The following FERMT1 variants were observed in gnomAD, a reference collection of about 807,000 sequenced individuals.
FERMT1 encodes the protein fermitin family homolog 1.
In FERMT1, 60 loss-of-function variants were observed where a neutral mutation model predicts 85.3. The observed-to-expected ratio is 0.70, with a 90% CI of 0.57 to 0.87. FERMT1 has a LOEUF of 0.87. Ranked by LOEUF, FERMT1 falls within the 40% of genes least tolerant of loss-of-function variation. FERMT1 has a pLI of 0.00. For missense variants in FERMT1, 701 were observed against 818.9 expected (o/e 0.86, Z 1.76); for synonymous variants, 275 against 301.1 (o/e 0.91, Z 0.90).
At chr20:6,110,874 T>C (rs1489163971) in intron 4 of FERMT1, among the ~76,000 whole-genome samples, 1 of 152,206 alleles carries the variant, frequency 6.6e-6, no homozygotes, top group East Asian at 1.9e-4. Flanking sequence ...CTCAAAAGCC[T>C]TGGAACTCAA....
At chr20:6,084,924 T>A (rs1387904937) in intron 12 of FERMT1, 142 bp downstream of exon 12, 1 of 741,560 alleles carries the variant, frequency 1.3e-6, no homozygotes, top group Non-Finnish European at 2.3e-6. Context: ...AACTCCCAAC[T>A]TCAAGTGACC....
intron 5 of FERMT1, among the ~76,000 whole-genome samples, chr20:6,110,002 A>G (rs1437031186): frequency 6.6e-6 from 1 of 152,144 alleles, no homozygotes; most frequent in Non-Finnish European, 1.5e-5. Flanking sequence ...GGACCAACAC[A>G]CTTATTAACT....
At chr20:6,100,828 A>T (rs182007882) in intron 6 of FERMT1, among the ~76,000 whole-genome samples, 2 of 152,218 alleles carry the variant, frequency 1.3e-5, no homozygotes, top group Non-Finnish European at 2.9e-5. Context: ...AATTTATAAA[A>T]TATAGGATAC....
chr20:6,114,446 G>A (rs1483735121), intron 3 of FERMT1, among the ~76,000 whole-genome samples: 2 of 152,286 alleles, frequency 1.3e-5, no homozygotes, highest in African/African-American at 4.8e-5. Flanking sequence ...ACATCTGACT[G>A]CTTCTGTTTA....
chr20:6,088,223 A>G (rs73074343), intron 10 of FERMT1, among the ~76,000 whole-genome samples: 3,868 of 152,320 alleles, frequency 0.025, 76 homozygotes, highest in Middle Eastern at 0.054. Context: ...TTGTCACAAT[A>G]ATGTGAGTTG....
chr20:6,105,146 G>GA (rs1451482555), intron 6 of FERMT1, among the ~76,000 whole-genome samples: 7 of 152,240 alleles, frequency 4.6e-5, no homozygotes, highest in South Asian at 2.1e-4. Context: ...TCTATTTGTA[G>GA]AAAAAAATCC....
In FERMT1 at chr20:6,089,137, G is replaced by A. The variant is rs138706973; in HGVS notation, c.1140-48C>T. 993 of 1,589,394 alleles carry A rather than the reference G, an allele frequency of 6.2e-4. 9 individuals are homozygous for A. The African/African-American group carries it at 0.012, about 20-fold the overall frequency. ...TGTTTAAACCACCACCCAGAAATGTGGAACACGCTGCAGATTTCAAGCAGA... is the reference window on the plus strand; with the variant it reads ...TGTTTAAACCACCACCCAGAAATGTAGAACACGCTGCAGATTTCAAGCAGA... On this transcript the variant is annotated intron_variant, in intron 9 of 14. Coordinates refer to ENST00000217289, the MANE Select transcript of FERMT1 (RefSeq NM_017671.5).
chr20:6,087,492 G>T (rs112608284), intron 11 of FERMT1, among the ~76,000 whole-genome samples: 4 of 152,294 alleles, frequency 2.6e-5, no homozygotes, highest in African/African-American at 7.2e-5. Flanking sequence ...TGTATTTTTA[G>T]TAGAGATGAG....
chr20:6,105,843 GACTT>G (rs2123133158), intron 6 of FERMT1, among the ~76,000 whole-genome samples: 1 of 152,256 alleles, frequency 6.6e-6, no homozygotes, highest in African/African-American at 2.4e-5. Context: ...CCAAATTACT[GACTT>G]AGTAACTGGA....
At chr20:6,111,868 C>T (rs1287345627) in intron 4 of FERMT1, among the ~76,000 whole-genome samples, 1 of 142,712 alleles carries the variant, frequency 7.0e-6, no homozygotes, top group African/African-American at 2.6e-5. Context: ...TTTTTCTTTT[C>T]TTTTTTTTTT....
chr20:6,093,307 A>G (rs1384993301), intron 9 of FERMT1, among the ~76,000 whole-genome samples: 1 of 152,134 alleles, frequency 6.6e-6, no homozygotes, highest in African/African-American at 2.4e-5. Context: ...TATATATTCA[A>G]TGCAACATCT....
intron 6 of FERMT1, among the ~76,000 whole-genome samples, chr20:6,103,322 G>T (rs1360170068): frequency 2.6e-5 from 4 of 152,100 alleles, no homozygotes; most frequent in East Asian, 1.9e-4. Context: ...AACCAATTCT[G>T]TAGCTATGGA....
chr20:6,088,973 T>A lies in FERMT1; in HGVS notation c.1256A>T (p.Asn419Ile). ...LEQGEPLEKLNLRGCEVVPDV... is the reference protein window; with the variant it reads ...LEQGEPLEKLILRGCEVVPDV... The stretch of plus-strand genomic sequence containing the variant: ...ATATAGGGTACTCTTACCTCTAAGA[T>A]TTAGTTTTTCTAGTGGTTCTCCTTG... Residue 419 changes from asparagine to isoleucine, a missense_variant, in exon 10 of 15, where the codon AAT (asparagine) becomes ATT (isoleucine). Coordinates refer to ENST00000217289, the MANE Select transcript of FERMT1 (RefSeq NM_017671.5). 4 of 1,611,384 alleles carry A rather than the reference T, an allele frequency of 2.5e-6. No homozygotes were observed. Among genetic ancestry groups the A allele is most frequent in the Non-Finnish European group, 3.4e-6 (4 of 1,178,072 alleles).
Position 6,077,048 on chromosome 20 carries a change from T to C in FERMT1, c.*125A>G. On this transcript the variant is annotated 3_prime_UTR_variant, in exon 15 of 15. Transcript: ENST00000217289. ...CAGTGGGTTTGAATGAGGATCTGGG[T>C]GACCAGCGGTGAATGTATGTTGTCT... The C allele has an allele frequency of 2.1e-6, 2 of 960,476 alleles. No individual in the cohort carries two copies. The highest frequency in any genetic ancestry group is 3.3e-6 in the Non-Finnish European group (2 of 597,912). The allele number at this position is 960,476 out of a possible 1,614,324, so 59.5% of individuals were successfully genotyped here. A position where few individuals can be genotyped will look rare whatever the true frequency, so the allele number is the denominator to read the frequency against.
At chr20:6,105,345 G>A (rs1982769199) in intron 6 of FERMT1, among the ~76,000 whole-genome samples, 1 of 152,152 alleles carries the variant, frequency 6.6e-6, no homozygotes, top group South Asian at 2.1e-4. Context: ...TGATTATCAG[G>A]TGGTCCACAA....
chr20:6,097,783 C>CCTG, intron 6 of FERMT1, 152 bp from the exon 7 acceptor site: 5 of 652,146 alleles, frequency 7.7e-6, no homozygotes, highest in South Asian at 5.3e-5. Flanking sequence ...GTGCCATATA[C>CCTG]TCAGCACTTT....
rs551474236 is a variant in FERMT1 at position 6,112,686 on chromosome 20, G to A, written c.386-63C>T. 6.0e-6 allele frequency: 7 copies of A among 1,167,346 alleles called. No homozygotes were observed. The East Asian group carries it at 7.7e-5, about 13-fold the overall frequency. The allele number at this position is 1,167,346 out of a possible 1,614,324, so 72.3% of individuals were successfully genotyped here. A position where few individuals can be genotyped will look rare whatever the true frequency, so the allele number is the denominator to read the frequency against. ...AAAAGAAAACTCCTTCTAAGACTCA[G>A]GGTCATTTTGTGCATTTAAAATCAT... On this transcript the variant is annotated intron_variant, in intron 3 of 14. Transcript: ENST00000217289.
intron 13 of FERMT1, 114 bp downstream of exon 13, chr20:6,083,926 T>C (rs1982084515): frequency 1.6e-6 from 2 of 1,236,634 alleles, no homozygotes; most frequent in African/African-American, 1.5e-5. Flanking sequence ...AAAAGGGCAA[T>C]ATTCTCAAAT....
chr20:6,098,093 C>T lies in FERMT1; in HGVS notation c.850-462G>A, dbSNP rs144410911. Among the ~76,000 whole-genome samples the T allele has an allele frequency of 2.6e-4, 39 of 152,244 alleles. 1 individual carries two copies. In the East Asian group the frequency reaches 6.4e-3, roughly 25 times the overall value. On this transcript the variant is annotated intron_variant, in intron 6 of 14. Transcript: ENST00000217289. ...CCCCACAAAGTGCTGGAATTACAGG[C>T]GTGAGCCACTGCGCCTGGCCCTCTG...
Sources: gnomAD v4.1 joint callset for allele counts (sites outside exome capture counted in the v4.1 genomes callset) on GRCh38, gnomAD v4.1.1 for gene constraint, MANE v1.5 for transcripts, NCBI Gene and HGNC (gene_info 2026-07-23, HGNC 2026-07-21) for gene names.